Variants in TLL1 observed in about 807,000 individuals in gnomAD.
The protein encoded by TLL1 is tolloid like 1, also known as tolloid-like protein 1.
A neutral mutation model predicts 128.2 loss-of-function variants in TLL1; 49 were observed. The observed-to-expected ratio is 0.38, with a 90% CI of 0.30 to 0.48. The LOEUF is 0.48. Among genes scored for constraint, TLL1 ranks in the 20% least tolerant of loss-of-function variants. The pLI is 0.96. For missense variants in TLL1, 1,123 were observed against 1,242.0 expected, an observed-to-expected ratio of 0.90 and a Z score of 1.44; for synonymous variants, 454 against 418.8, an observed-to-expected ratio of 1.08 and a Z score of -1.03.
At chr4:165,964,938 A>AAAAT (rs1033996130) in intron 1 of TLL1, among the ~76,000 whole-genome samples, 1 of 152,148 alleles carries the variant, frequency 6.6e-6, no homozygotes, top group South Asian at 2.1e-4. Flanking sequence ...CCGTGTCTCA[A>AAAAT]AAATAAATAA....
At chr4:166,034,045 A>G (rs1467126137) in intron 9 of TLL1, among the ~76,000 whole-genome samples, 1 of 152,226 alleles carries the variant, frequency 6.6e-6, no homozygotes, top group Non-Finnish European at 1.5e-5. Flanking sequence ...TGCCAAAGAC[A>G]TTGCTTAAAT....
At chr4:166,036,789 CTGTGTGTGTGTGTGTG>C (rs3047083) in intron 9 of TLL1, among the ~76,000 whole-genome samples, 6 of 145,224 alleles carry the variant, frequency 4.1e-5, no homozygotes, top group African/African-American at 7.6e-5. Flanking sequence ...CCCTATCCAA[CTGTGTGTGTGTGTGTG>C]TGTGTGTGTG....
At chr4:166,008,767 T>G (rs901438761) in intron 7 of TLL1, among the ~76,000 whole-genome samples, 21 of 151,502 alleles carry the variant, frequency 1.4e-4, no homozygotes, top group African/African-American at 5.1e-4. Context: ...CTTTTTCCAT[T>G]TATGCCCATT....
At chr4:165,954,734 T>C (rs987860984) in intron 1 of TLL1, among the ~76,000 whole-genome samples, 1 of 152,038 alleles carries the variant, frequency 6.6e-6, no homozygotes, top group Non-Finnish European at 1.5e-5. Context: ...ACAAAGGTAA[T>C]TGACTGCACT....
chr4:166,030,977 T>G (rs1738740264), intron 9 of TLL1: 1 of 968,666 alleles, frequency 1.0e-6, no homozygotes, highest in Non-Finnish European at 1.2e-6. Flanking sequence ...TTCAAACATT[T>G]TTAATGTACG....
chr4:166,075,826 T>C lies in TLL1; in HGVS notation c.2314+823T>C, dbSNP rs140960978. Among the ~76,000 whole-genome samples the C allele has an allele frequency of 2.8e-3, 434 of 152,286 alleles. 2 individuals are homozygous for C. The highest frequency in any genetic ancestry group is 9.6e-3 in the African/African-American group (401 of 41,568). On this transcript the variant is annotated intron_variant, in intron 17 of 20. Coordinates refer to ENST00000061240, the MANE Select transcript of TLL1 (RefSeq NM_012464.5). ...TAGATAAGAATGTTTTGTGTAAACA[T>C]TGGAATAATAGAGAATATCCTGAGT...
chr4:165,918,380 T>G (rs2110884322), intron 1 of TLL1, among the ~76,000 whole-genome samples: 2 of 152,210 alleles, frequency 1.3e-5, no homozygotes, highest in South Asian at 2.1e-4. Context: ...GAATTTCAGA[T>G]TTGTGGTTTT....
chr4:165,898,837 G>A (rs1178201201), intron 1 of TLL1, among the ~76,000 whole-genome samples: 1 of 152,162 alleles, frequency 6.6e-6, no homozygotes. Flanking sequence ...GGAAGAATTT[G>A]GCTGTGAATC....
At chr4:166,005,946 A>G (rs1737406254) in intron 6 of TLL1, among the ~76,000 whole-genome samples, 2 of 151,894 alleles carry the variant, frequency 1.3e-5, no homozygotes, top group South Asian at 4.1e-4. Flanking sequence ...ACTAAACATT[A>G]TGGCCAACAG....
intron 12 of TLL1, among the ~76,000 whole-genome samples, chr4:166,052,020 A>G (rs1046843399): frequency 2.0e-5 from 3 of 152,184 alleles, no homozygotes; most frequent in Admixed American, 6.6e-5. Flanking sequence ...TACACTGTAA[A>G]TTAAAATGTA....
intron 18 of TLL1, among the ~76,000 whole-genome samples, chr4:166,090,257 G>T (rs1055870238): frequency 6.6e-6 from 1 of 152,010 alleles, no homozygotes; most frequent in African/African-American, 2.4e-5. Context: ...TGGTTTTTCT[G>T]GGGAAAGGAA....
In TLL1 at chr4:166,052,965, G is replaced by GTGTGTGTATATATATATATATATATA; in HGVS notation, c.1525-2110_1525-2109insGTGTGTATATATATATATATATATAT. On this transcript the variant is annotated intron_variant, in intron 12 of 20. Coordinates refer to ENST00000061240, the MANE Select transcript of TLL1 (RefSeq NM_012464.5). ...TAAAGACTGAGATAAGAGGTTATGT[G>GTGTGTGTATATATATATATATATATA]TATATATATATATATATTTGGCCAA... Among the ~76,000 whole-genome samples the GTGTGTGTATATATATATATATATATA allele has an allele frequency of 8.2e-4, 82 of 99,694 alleles. 1 individual carries two copies. The highest frequency in any genetic ancestry group is 2.7e-3 in the African/African-American group (72 of 26,272). The allele number at this position is 99,694 out of a possible 152,430, so 65.4% of individuals were successfully genotyped here.
At chr4:165,904,228 C>T (rs973779679) in intron 1 of TLL1, among the ~76,000 whole-genome samples, 1 of 152,216 alleles carries the variant, frequency 6.6e-6, no homozygotes, top group African/African-American at 2.4e-5. Context: ...ATTGATTACT[C>T]GGCCAACTAC....
At chr4:165,998,924 T>C (rs1162094430) in intron 5 of TLL1, among the ~76,000 whole-genome samples, 1 of 152,194 alleles carries the variant, frequency 6.6e-6, no homozygotes, top group Admixed American at 6.5e-5. Context: ...AAGAAGGTTA[T>C]ATAGTTAGGC....
rs1418911506 is a variant in TLL1, at chr4:166,057,276, T to C, written c.1813T>C (p.Tyr605His). ...TTACCAGTGTGCCTGTGAGCCTGGCTATGAGCTGGGCCCAGACAGAAGGAG... is the reference window on the plus strand; with the variant it reads ...TTACCAGTGTGCCTGTGAGCCTGGCCATGAGCTGGGCCCAGACAGAAGGAG... ...GSYQCACEPG[Y>H]ELGPDRRSCE... The change falls in exon 14 of 21, where the codon TAT (tyrosine) becomes CAT (histidine). Residue 605 changes from tyrosine (Y) to histidine (H), a missense_variant. Tyr to His is a moderately conservative substitution (Grantham distance 83, BLOSUM62 2). Around this residue, in one of 3 missense-constraint regions of TLL1, gnomAD observed 634 missense variants for 672.4 expected, o/e 0.94. Transcript: ENST00000061240. 1 of 1,613,966 alleles carries C rather than the reference T, an allele frequency of 6.2e-7. No homozygotes were observed. Among genetic ancestry groups the C allele is most frequent in the East Asian group, 2.2e-5 (1 of 44,820 alleles).
Position 166,039,436 on chromosome 4 carries a change from T to C in TLL1, c.1256T>C (p.Leu419Pro), listed in dbSNP as rs1197224584. ...VRDGYWRKSPLLGRFCGDKLP... is the reference protein window; with the variant it reads ...VRDGYWRKSPPLGRFCGDKLP... ...GACGGGTACTGGAGAAAATCACCTC[T>C]CCTTGGTAAGATATCCTTTCCCTTT... Residue 419 changes from leucine (L) to proline (P), a missense_variant, in exon 10 of 21, where the codon CTC becomes CCC. Transcript: ENST00000061240. 1.2e-6 allele frequency: 2 copies of C among 1,609,568 alleles called. No individual in the cohort carries two copies. The highest frequency in any genetic ancestry group is 1.7e-6 in the Non-Finnish European group (2 of 1,176,300).
chr4:165,875,578 C>T (rs868796020), intron 1 of TLL1, among the ~76,000 whole-genome samples: 8 of 152,186 alleles, frequency 5.3e-5, no homozygotes, highest in South Asian at 2.1e-4. Flanking sequence ...CTTGGGCCAC[C>T]CCGGATGGTT....
At chr4:165,941,751 G>A (rs1288693096) in intron 1 of TLL1, among the ~76,000 whole-genome samples, 4 of 152,036 alleles carry the variant, frequency 2.6e-5, no homozygotes, top group Non-Finnish European at 2.9e-5. Flanking sequence ...ATAACCAATA[G>A]CTGTTTATTA....
At chr4:165,905,539 G>C (rs1272159604) in intron 1 of TLL1, among the ~76,000 whole-genome samples, 2 of 152,052 alleles carry the variant, frequency 1.3e-5, no homozygotes, top group African/African-American at 2.4e-5. Context: ...CCTGGTTATT[G>C]TGATTTTCTG....
Sources: gnomAD v4.1 joint callset for allele counts (sites outside exome capture counted in the v4.1 genomes callset) on GRCh38, gnomAD v4.1.1 for gene constraint, gnomAD v4.1.1 regional missense constraint, MANE v1.5 for transcripts, NCBI Gene and HGNC (gene_info 2026-07-23, HGNC 2026-07-21) for gene names.